RDH13: variants seen among roughly 807,000 people sequenced by gnomAD.
RDH13 encodes the protein retinol dehydrogenase 13.
RDH13 carries 35 observed loss-of-function variants against 28.3 expected under a neutral mutation model. The observed-to-expected ratio is 1.24, with a 90% CI of 0.95 to 1.64. The LOEUF is 1.64. RDH13 is among the 40% of genes most tolerant of loss of function. The pLI is 0.00. For missense variants in RDH13, 514 were observed against 446.3 expected, an observed-to-expected ratio of 1.15 and a Z score of -1.37; for synonymous variants, 229 against 198.5, an observed-to-expected ratio of 1.15 and a Z score of -1.29.
intron 6 of RDH13, chr19:55,046,872 C>G (rs12151143): frequency 0.072 from 11,211 of 154,986 alleles, 524 homozygotes; most frequent in Non-Finnish European, 0.1. Flanking sequence ...GCCTGGGCGA[C>G]AGAGCAAGAC....
chr19:55,054,980 AT>A (rs1344498394), intron 3 of RDH13, among the ~76,000 whole-genome samples: 1 of 152,124 alleles, frequency 6.6e-6, no homozygotes, highest in East Asian at 1.9e-4. Context: ...ACAATAAATA[AT>A]TTTAGTGTAT....
At chr19:55,040,948 G>C (rs1036132113), downstream of RDH13, 1 of 152,222 alleles carries the variant, frequency 6.6e-6, no homozygotes, top group Admixed American at 6.5e-5. Flanking sequence ...CCAACATGGA[G>C]AAACGCCATC....
At position 55,049,910 on chromosome 19, in the gene RDH13, C is replaced by T. The variant is rs192000084; in HGVS notation, c.341-1147G>A. ...CGCTCTGGTCTCTCTCCTTGGCTCA[C>T]AGGTGACCATCTCCTCTCTCCCTCT... On this transcript the variant is annotated intron_variant, in intron 3 of 6. Coordinates refer to ENST00000415061, the MANE Select transcript of RDH13 (RefSeq NM_001145971.2). 1.7e-3 allele frequency among the ~76,000 whole-genome samples: 259 copies of T among 151,464 alleles called. 2 individuals carry two copies. The highest frequency in any genetic ancestry group is 3.0e-3 in the Admixed American group (45 of 15,216).
chr19:55,068,171 G>GTC (rs778516989), intron 1 of RDH13, among the ~76,000 whole-genome samples: 12 of 138,596 alleles, frequency 8.7e-5, no homozygotes, highest in African/African-American at 1.7e-4. Flanking sequence ...CTTTTCCTTT[G>GTC]TCTCTCTCTC....
chr19:55,048,118 C>G (rs892397878), intron 5 of RDH13: 1 of 1,528,976 alleles, frequency 6.5e-7, no homozygotes, highest in African/African-American at 1.4e-5. Flanking sequence ...GCAGACTAGA[C>G]CACCTGGGAT....
exon 3 of RDH13, chr19:55,039,171 TCAA>T (rs562216060): frequency 4.3e-4 from 66 of 152,250 alleles, no homozygotes; most frequent in African/African-American, 1.4e-3. Flanking sequence ...CACATGTCCA[TCAA>T]CAACAATGGA....
In RDH13 at chr19:55,057,611, A is replaced by ATTTT. The variant is rs534730244; in HGVS notation, c.185-807_185-804dup. ...CAACTAGCTAATTTTTTATTTTTTT[A>ATTTT]TTTTTAGTAGAGACAGCGGTTTCAC... On this transcript the variant is annotated intron_variant, in intron 2 of 6. Coordinates refer to ENST00000415061, the MANE Select transcript of RDH13 (RefSeq NM_001145971.2). Among the ~76,000 whole-genome samples the ATTTT allele has an allele frequency of 3.4e-3, 508 of 151,220 alleles. 5 individuals carry two copies. Among genetic ancestry groups the ATTTT allele is most frequent in the African/African-American group, 0.012 (474 of 41,072 alleles).
chr19:55,053,552 G>C (rs111789566), intron 3 of RDH13, among the ~76,000 whole-genome samples: 1 of 151,998 alleles, frequency 6.6e-6, no homozygotes, highest in Non-Finnish European at 1.5e-5. Context: ...CGCCACTCGG[G>C]AGGCTGAGGC....
chr19:55,056,921 G>A (rs571252814), intron 2 of RDH13, 113 bp from the exon 3 acceptor site: 61 of 941,168 alleles, frequency 6.5e-5, no homozygotes, highest in East Asian at 4.3e-4. Context: ...TGTTCACTGC[G>A]GCATTCTTCA....
chr19:55,048,463 A>G lies in RDH13; in HGVS notation c.524T>C (p.Leu175Pro), dbSNP rs750701761. Residue 175 changes from leucine to proline, a missense_variant, in exon 5 of 7, where the codon CTG (leucine) becomes CCG (proline). Coordinates refer to ENST00000415061, the MANE Select transcript of RDH13 (RefSeq NM_001145971.2). ...APSRIINLSSLAHVAGHIDFD... is the reference protein window; with the variant it reads ...APSRIINLSSPAHVAGHIDFD... Reference sequence around the variant, plus strand: ...GTCTATGTGCCCAGCAACATGGGCCAGGGACGAGAGGTTGATGATCCGCGA... The same window carrying G: ...GTCTATGTGCCCAGCAACATGGGCCGGGGACGAGAGGTTGATGATCCGCGA... The G allele has an allele frequency of 3.1e-6, 5 of 1,614,124 alleles. No homozygotes were observed. The highest frequency in any genetic ancestry group is 1.7e-5 in the Admixed American group (1 of 60,002).
Position 55,045,192 on chromosome 19 carries a change from T to C in RDH13, c.878A>G (p.Gln293Arg). 2.5e-6 allele frequency: 4 copies of C among 1,613,660 alleles called. No homozygotes were observed. Among genetic ancestry groups the C allele is most frequent in the Non-Finnish European group, 3.4e-6 (4 of 1,180,026 alleles). The change falls in exon 7 of 7, where the codon CAG becomes CGG. Residue 293 changes from glutamine to arginine, a missense_variant. Physicochemically the swap from Gln to Arg is conservative, Grantham distance 43. Transcript: ENST00000415061. ...VSGKYFDGLKQKAPAPEAEDE... is the reference protein window; with the variant it reads ...VSGKYFDGLKRKAPAPEAEDE... Reference sequence around the variant, plus strand: ...CTCAGCCTCGGGGGCCGGGGCCTTCTGTTTGAGTCCATCGAAGTACTTTCC... The same window carrying C: ...CTCAGCCTCGGGGGCCGGGGCCTTCCGTTTGAGTCCATCGAAGTACTTTCC...
rs370826974 is a variant in RDH13 at position 55,047,453 on chromosome 19, C to G, written c.694G>C (p.Val232Leu). 4 of 1,610,230 alleles carry G rather than the reference C, an allele frequency of 2.5e-6. No individual in the cohort carries two copies. Among genetic ancestry groups the G allele is most frequent in the African/African-American group, 1.3e-5 (1 of 75,018 alleles). Residue 232 changes from valine (V) to leucine (L), a missense_variant, in exon 6 of 7, where the codon GTG becomes CTG. Transcript: ENST00000415061. ...TGTCTGCCCAGCTCTGTCCTGGCCA[C>G]GCCGGGGTGCAGGGCGTTGACAGTC... The part of the protein sequence containing the change: ...GVTVNALHPG[V>L]ARTELGRHTG...
intron 2 of RDH13, among the ~76,000 whole-genome samples, chr19:55,058,229 C>T (rs755773980): frequency 1.1e-4 from 16 of 151,668 alleles, no homozygotes; most frequent in Non-Finnish European, 1.9e-4. Flanking sequence ...CTGGCCAACA[C>T]ATTACAAACT....
chr19:55,060,277 C>T (rs986163676), intron 1 of RDH13, among the ~76,000 whole-genome samples: 1 of 151,838 alleles, frequency 6.6e-6, no homozygotes, highest in Non-Finnish European at 1.5e-5. Context: ...AGAAAAGCCG[C>T]CCTATGGCGG....
At chr19:55,054,334 G>A (rs2075561549) in intron 3 of RDH13, among the ~76,000 whole-genome samples, 1 of 152,242 alleles carries the variant, frequency 6.6e-6, no homozygotes, top group Admixed American at 6.5e-5. Flanking sequence ...GGTGGCTCAT[G>A]CCTGTAATCC....
chr19:55,054,328 G>A lies in RDH13; in HGVS notation c.340+2325C>T, dbSNP rs577359075. 2.2e-3 allele frequency among the ~76,000 whole-genome samples: 330 copies of A among 152,340 alleles called. 2 individuals are homozygous for A. The highest frequency in any genetic ancestry group is 7.6e-3 in the African/African-American group (317 of 41,586). On this transcript the variant is annotated intron_variant, in intron 3 of 6. Coordinates refer to ENST00000415061, the MANE Select transcript of RDH13 (RefSeq NM_001145971.2). ...AGAAACAAAGCAGCTGGGCATGGTG[G>A]CTCATGCCTGTAATCCCAGCACTTT... is the stretch of plus-strand genomic sequence containing the variant.
intron 3 of RDH13, 113 bp downstream of exon 3, chr19:55,056,540 C>T (rs768484636): frequency 7.3e-6 from 10 of 1,373,560 alleles, no homozygotes; most frequent in Non-Finnish European, 9.7e-6. Context: ...GCCCCTAACT[C>T]ATAGTTTGCC....
At position 55,063,124 on chromosome 19, in the gene RDH13, C is replaced by T. The variant is rs568366857; in HGVS notation, c.-92G>A. The T allele has an allele frequency of 6.0e-5, 70 of 1,167,622 alleles. No homozygotes were observed. Among genetic ancestry groups the T allele is most frequent in the Non-Finnish European group, 7.1e-5 (65 of 911,190 alleles). The allele number at this position is 1,167,622 out of a possible 1,614,324, so 72.3% of individuals were successfully genotyped here. Reference sequence around the variant, plus strand: ...GGTAGCTCCGAGGAAGAGCGCGCGACGCAGCCACAGGCGAGCGGAGGCGCA... The same window carrying T: ...GGTAGCTCCGAGGAAGAGCGCGCGATGCAGCCACAGGCGAGCGGAGGCGCA... On this transcript the variant is annotated 5_prime_UTR_variant, in exon 1 of 7. Transcript: ENST00000415061.
chr19:55,052,063 C>CTTT (rs111427426), intron 3 of RDH13, among the ~76,000 whole-genome samples: 2,495 of 119,854 alleles, frequency 0.021, 102 homozygotes, highest in African/African-American at 0.08. Flanking sequence ...ACTGCCTCAA[C>CTTT]TTTTTTTTTT....
Sources: gnomAD v4.1 joint callset for allele counts (sites outside exome capture counted in the v4.1 genomes callset) on GRCh38, gnomAD v4.1.1 for gene constraint, MANE v1.5 for transcripts, NCBI Gene and HGNC (gene_info 2026-07-23, HGNC 2026-07-21) for gene names.